Variants in PPP6R2 observed in about 807,000 individuals in gnomAD.
PPP6R2 encodes the protein protein phosphatase 6 regulatory subunit 2.
A neutral mutation model predicts 100.2 loss-of-function variants in PPP6R2; 62 were observed. That is an observed-to-expected ratio of 0.62 (90% CI 0.50 to 0.76). PPP6R2 has a LOEUF of 0.76. Among genes scored for constraint, PPP6R2 ranks in the 30% least tolerant of loss-of-function variants. The pLI is 0.00. For missense variants in PPP6R2, 1,142 were observed against 1,276.3 expected (o/e 0.89, Z 1.60); for synonymous variants, 525 against 514.7 (o/e 1.02, Z -0.27).
intron 21 of PPP6R2, among the ~76,000 whole-genome samples, chr22:50,440,417 C>G (rs1286815290): frequency 6.6e-6 from 1 of 152,208 alleles, no homozygotes; most frequent in Non-Finnish European, 1.5e-5. Context: ...CCCCCAGCCC[C>G]CTAGTCAGGC....
intron 4 of PPP6R2, among the ~76,000 whole-genome samples, chr22:50,408,188 T>C (rs2147209581): frequency 6.6e-6 from 1 of 152,292 alleles, no homozygotes; most frequent in Non-Finnish European, 1.5e-5. Context: ...TGCCCAGCTA[T>C]GTATCTCTAA....
intron 1 of PPP6R2, among the ~76,000 whole-genome samples, chr22:50,370,958 A>G (rs1357533657): frequency 1.3e-5 from 2 of 152,144 alleles, no homozygotes; most frequent in Non-Finnish European, 2.9e-5. Flanking sequence ...TTTCTAAGAA[A>G]CCCTTTGTAG....
At chr22:50,342,452 A>G (rs1183880522), upstream of PPP6R2, among the ~76,000 whole-genome samples, 1 of 152,082 alleles carries the variant, frequency 6.6e-6, no homozygotes, top group African/African-American at 2.4e-5. Flanking sequence ...CCGCAGGGCC[A>G]AGCCCTTTTC....
intron 3 of PPP6R2, among the ~76,000 whole-genome samples, chr22:50,394,913 CAAAAAAAAA>C (rs57028687): frequency 2.6e-5 from 2 of 76,424 alleles, no homozygotes; most frequent in South Asian, 5.5e-4. Context: ...GACTCTGTCT[CAAAAAAAAA>C]AAAAAAAAAA....
rs781773387 is a variant in PPP6R2, at chr22:50,437,495, C to G, written c.1684-11C>G. The G allele has an allele frequency of 8.0e-7, 1 of 1,255,192 alleles. No individual in the cohort carries two copies. The highest frequency in any genetic ancestry group is 2.3e-5 in the East Asian group (1 of 43,094). The allele number at this position is 1,255,192 out of a possible 1,614,324, so 77.8% of individuals were successfully genotyped here. ...TGTCTGTCCGTCCCTCCCTCCCTCCCTCCCTCCCAGGCCTTCTCTGACTAC... is the reference window on the plus strand; with the variant it reads ...TGTCTGTCCGTCCCTCCCTCCCTCCGTCCCTCCCAGGCCTTCTCTGACTAC... On this transcript the variant is annotated splice_polypyrimidine_tract_variant and intron_variant, in intron 15 of 23. Transcript: ENST00000612753.
intron 2 of PPP6R2, among the ~76,000 whole-genome samples, chr22:50,386,140 T>C (rs1321917557): frequency 6.9e-6 from 1 of 145,858 alleles, no homozygotes; most frequent in East Asian, 2.0e-4. Flanking sequence ...TTTTTTTGTT[T>C]TGTTTTGTTT....
chr22:50,437,470 T>C, intron 15 of PPP6R2, 36 bp from the exon 16 acceptor site: 1 of 1,085,596 alleles, frequency 9.2e-7, no homozygotes, highest in Non-Finnish European at 1.4e-6. Context: ...CCATGACCGG[T>C]GTCTGTCCGT....
At chr22:50,369,552 CAG>C (rs1188852046) in intron 1 of PPP6R2, among the ~76,000 whole-genome samples, 5 of 151,906 alleles carry the variant, frequency 3.3e-5, no homozygotes, top group Admixed American at 6.6e-5. Flanking sequence ...TTTTTTGAGA[CAG>C]AGTCTCACTC....
At chr22:50,412,646 T>C (rs2059920163) in intron 4 of PPP6R2, among the ~76,000 whole-genome samples, 4 of 125,206 alleles carry the variant, frequency 3.2e-5, no homozygotes, top group Admixed American at 2.4e-4. Flanking sequence ...TTTTTTTTTT[T>C]TTTTTTTTTT....
chr22:50,411,244 A>G (rs1314672084), intron 4 of PPP6R2, among the ~76,000 whole-genome samples: 2 of 152,086 alleles, frequency 1.3e-5, no homozygotes, highest in Admixed American at 1.3e-4. Flanking sequence ...ACTTGAGCCC[A>G]TGAGTTTGAG....
At chr22:50,351,809 T>C (rs2045338870) in intron 1 of PPP6R2, among the ~76,000 whole-genome samples, 2 of 151,922 alleles carry the variant, frequency 1.3e-5, no homozygotes, top group African/African-American at 2.4e-5. Flanking sequence ...AATTTTTTTT[T>C]TTGAAACGGA....
At chr22:50,355,606 C>T (rs2046352757) in intron 1 of PPP6R2, among the ~76,000 whole-genome samples, 1 of 149,980 alleles carries the variant, frequency 6.7e-6, no homozygotes, top group Non-Finnish European at 1.5e-5. Flanking sequence ...CTGCAAGCTC[C>T]GCCTCCTGGA....
chr22:50,432,269 T>C lies in PPP6R2; in HGVS notation c.1340T>C (p.Phe447Ser). 1 of 1,549,902 alleles carries C rather than the reference T, an allele frequency of 6.5e-7. No homozygotes were observed. The highest frequency in any genetic ancestry group is 8.7e-7 in the Non-Finnish European group (1 of 1,147,062). Residue 447 changes from phenylalanine (F) to serine (S), a missense_variant, in exon 12 of 24, where the codon TTC becomes TCC. Phe to Ser is a radical substitution (Grantham distance 155). Transcript: ENST00000612753. ...LPDNTMVTHLFQKCCLVQRIL... is the reference protein window; with the variant it reads ...LPDNTMVTHLSQKCCLVQRIL... ...TCCCCCTGCCCCGCCCCCCAGCTGT[T>C]CCAGAAGTGCTGCCTGGTGCAGAGG...
intron 4 of PPP6R2, among the ~76,000 whole-genome samples, chr22:50,411,771 C>T (rs1016919202): frequency 6.6e-5 from 10 of 150,468 alleles, no homozygotes; most frequent in South Asian, 2.1e-4. Flanking sequence ...CAAGGCCTGG[C>T]GCAGTGGCTC....
chr22:50,338,883 G>T (rs1315995627), upstream of PPP6R2, among the ~76,000 whole-genome samples: 6 of 134,244 alleles, frequency 4.5e-5, no homozygotes, highest in African/African-American at 1.1e-4. Context: ...TAGTGTGTGT[G>T]TTATGTGGGG....
chr22:50,357,167 T>G (rs2046780878), intron 1 of PPP6R2, among the ~76,000 whole-genome samples: 1 of 152,124 alleles, frequency 6.6e-6, no homozygotes, highest in Non-Finnish European at 1.5e-5. Flanking sequence ...CATTCGTGTA[T>G]TTTTTTGTGA....
upstream of PPP6R2, among the ~76,000 whole-genome samples, chr22:50,338,642 CTGTGGTATGTAGTGTG>C (rs1285538764): frequency 1.9e-4 from 14 of 73,124 alleles, no homozygotes; most frequent in East Asian, 1.3e-3. Context: ...TGTGTGGTGT[CTGTGGTATGTAGTGTG>C]TGTGGTATGT....
At chr22:50,351,508 A>G (rs188702819) in intron 1 of PPP6R2, among the ~76,000 whole-genome samples, 5 of 151,672 alleles carry the variant, frequency 3.3e-5, no homozygotes, top group African/African-American at 1.2e-4. Flanking sequence ...CCTTCTTCCA[A>G]TAGAAGACTG....
intron 6 of PPP6R2, among the ~76,000 whole-genome samples, chr22:50,417,087 A>G (rs1445971325): frequency 2.0e-5 from 3 of 152,124 alleles, no homozygotes; most frequent in African/African-American, 2.4e-5. Context: ...TCTGTGGATC[A>G]GGCGTCTGAA....
Sources: gnomAD v4.1 joint callset for allele counts (sites outside exome capture counted in the v4.1 genomes callset) on GRCh38, gnomAD v4.1.1 for gene constraint, MANE v1.5 for transcripts, NCBI Gene and HGNC (gene_info 2026-07-23, HGNC 2026-07-21) for gene names.